The following RAPGEF6 variants were observed in gnomAD, a reference collection of about 807,000 sequenced individuals.
RAPGEF6 encodes the protein Rap guanine nucleotide exchange factor 6, also known as PDZ domain containing guanine nucleotide exchange factor (GEF) 2.
RAPGEF6 carries 56 observed loss-of-function variants against 171.4 expected under a neutral mutation model. That is an observed-to-expected ratio of 0.33 (90% CI 0.26 to 0.41). The LOEUF is 0.41. RAPGEF6 is among the 10% of genes least tolerant of loss of function. The pLI, the probability that RAPGEF6 is intolerant of heterozygous loss-of-function variation, is 1.00. For synonymous variants in RAPGEF6, 692 were observed against 650.1 expected, an observed-to-expected ratio of 1.06 and a Z score of -0.98; for missense variants, 1,674 against 1,921.4, an observed-to-expected ratio of 0.87 and a Z score of 2.41.
intron 5 of RAPGEF6, 97 bp from the exon 6 acceptor site, chr5:131,548,287 A>G (rs1180956489): frequency 8.0e-7 from 1 of 1,246,510 alleles, no homozygotes; most frequent in Non-Finnish European, 1.1e-6. Flanking sequence ...AGCTTCATTT[A>G]CTTCTTACAA....
chr5:131,445,001 A>T (rs1752596848), intron 22 of RAPGEF6, among the ~76,000 whole-genome samples: 1 of 152,208 alleles, frequency 6.6e-6, no homozygotes, highest in African/African-American at 2.4e-5. Context: ...GTTAGCTTTT[A>T]AAAATGTCTT....
intron 4 of RAPGEF6, among the ~76,000 whole-genome samples, chr5:131,575,492 C>G (rs942945005): frequency 6.6e-6 from 1 of 152,196 alleles, no homozygotes; most frequent in East Asian, 1.9e-4. Flanking sequence ...CAAGTGCTCT[C>G]CCTGCTGTGT....
intron 1 of RAPGEF6, among the ~76,000 whole-genome samples, chr5:131,616,948 T>C (rs994605004): frequency 6.6e-6 from 1 of 152,192 alleles, no homozygotes; most frequent in African/African-American, 2.4e-5. Context: ...AAAACTTTCA[T>C]TAACCAAGAT....
intron 6 of RAPGEF6, among the ~76,000 whole-genome samples, chr5:131,535,548 G>A (rs1323516960): frequency 2.6e-5 from 4 of 152,070 alleles, no homozygotes; most frequent in African/African-American, 9.7e-5. Flanking sequence ...TTATGAACAC[G>A]TTTCCCCTGC....
At chr5:131,510,072 A>T (rs1266564776) in intron 8 of RAPGEF6, among the ~76,000 whole-genome samples, 2 of 152,176 alleles carry the variant, frequency 1.3e-5, no homozygotes, top group Non-Finnish European at 2.9e-5. Context: ...CAGATTCTAC[A>T]GCTCAGCCCA....
intron 8 of RAPGEF6, 103 bp from the exon 9 acceptor site, chr5:131,508,310 A>C (rs1202364394): frequency 1.7e-6 from 2 of 1,193,086 alleles, no homozygotes; most frequent in Admixed American, 2.7e-5. Flanking sequence ...TCAACTTATA[A>C]ATTTATGTTG....
Position 131,431,460 on chromosome 5 carries a change from C to T in RAPGEF6, c.3975-111G>A. The T allele has an allele frequency of 6.8e-6, 8 of 1,173,236 alleles. No individual in the cohort carries two copies. In the South Asian group the frequency reaches 9.3e-5, roughly 14 times the overall value. The allele number at this position is 1,173,236 out of a possible 1,614,324, so 72.7% of individuals were successfully genotyped here. A position where few individuals can be genotyped will look rare whatever the true frequency, so the allele number is the denominator to read the frequency against. On this transcript the variant is annotated intron_variant, in intron 25 of 27. Transcript: ENST00000509018. ...CTACAGAGCACGTACCACAAGTGTT[C>T]ATGCCAAATAACATCGTGAGGAAAA... is the stretch of plus-strand genomic sequence containing the variant.
rs1004039968 is a variant in RAPGEF6 at position 131,572,992 on chromosome 5, G to A, written c.282-10945C>T. ...TACATCCATGCATTTTTTACACTTCGCTCCCTCCCTAGTCTCTGCTCCCAG... is the reference window on the plus strand; with the variant it reads ...TACATCCATGCATTTTTTACACTTCACTCCCTCCCTAGTCTCTGCTCCCAG... On this transcript the variant is annotated intron_variant, in intron 4 of 27. Transcript: ENST00000509018. Among the ~76,000 whole-genome samples, 9 of 151,796 alleles carry A rather than the reference G, an allele frequency of 5.9e-5. No homozygotes were observed. The East Asian group carries it at 9.7e-4, about 16-fold the overall frequency.
At chr5:131,573,980 A>G (rs1762455000) in intron 4 of RAPGEF6, among the ~76,000 whole-genome samples, 1 of 152,196 alleles carries the variant, frequency 6.6e-6, no homozygotes, top group Non-Finnish European at 1.5e-5. Context: ...GTTCAATAAC[A>G]GAGAAGAAGC....
In RAPGEF6 at chr5:131,479,709, C is replaced by T; in HGVS notation, c.1885G>A (p.Val629Ile). 1 of 1,613,756 alleles carries T rather than the reference C, an allele frequency of 6.2e-7. No individual in the cohort carries two copies. Among genetic ancestry groups the T allele is most frequent in the Non-Finnish European group, 8.5e-7 (1 of 1,179,838 alleles). The change falls in exon 16 of 28, where the codon GTT (valine) becomes ATT (isoleucine). Residue 629 changes from valine to isoleucine, a missense_variant. By Grantham distance (29) the Val-to-Ile change is conservative. Around this residue, in one of 3 missense-constraint regions of RAPGEF6, gnomAD observed 1,116 missense variants for 1,321.5 expected, o/e 0.84. Transcript: ENST00000509018. ...LFRTEQEKSG[V>I]PHIPKIAEKK... ...TCAGCAATTTTGGGAATATGAGGAACACCAGATTTCTCTTGTTCAGTCCTA... is the reference window on the plus strand; with the variant it reads ...TCAGCAATTTTGGGAATATGAGGAATACCAGATTTCTCTTGTTCAGTCCTA...
chr5:131,599,892 T>C (rs1764125845), intron 3 of RAPGEF6, among the ~76,000 whole-genome samples: 1 of 152,246 alleles, frequency 6.6e-6, no homozygotes, highest in Non-Finnish European at 1.5e-5. Flanking sequence ...ATTTATTCAA[T>C]GTGCAAGATA....
chr5:131,624,533 C>T (rs752695738), intron 1 of RAPGEF6, among the ~76,000 whole-genome samples: 3 of 152,190 alleles, frequency 2.0e-5, no homozygotes, highest in Non-Finnish European at 4.4e-5. Flanking sequence ...GTGGTATACA[C>T]CTGTACTCCC....
At chr5:131,593,403 A>G (rs781072313) in intron 3 of RAPGEF6, among the ~76,000 whole-genome samples, 8 of 152,236 alleles carry the variant, frequency 5.3e-5, no homozygotes, top group Non-Finnish European at 1.2e-4. Context: ...TATATGTGCA[A>G]TAATAGAAAT....
At position 131,504,659 on chromosome 5, in the gene RAPGEF6, C is replaced by A. The variant is rs752754603; in HGVS notation, c.1221G>T (p.Arg407=). The A allele has an allele frequency of 6.2e-7, 1 of 1,612,286 alleles. No individual in the cohort carries two copies. Among genetic ancestry groups the A allele is most frequent in the South Asian group, 1.1e-5 (1 of 90,686 alleles). ...VMVHEHRELD[R]SGTRKGHIVI... ...CAATGTGTCCTTTCCTGGTTCCACT[C>A]CGGTCTAGTTCCCGATGCTCATGTA... Residue 407 remains arginine (R), a synonymous_variant, in exon 11 of 28, where the codon CGG becomes CGT. Transcript: ENST00000509018.
chr5:131,597,099 G>A (rs1010099814), intron 3 of RAPGEF6, among the ~76,000 whole-genome samples: 8 of 151,980 alleles, frequency 5.3e-5, no homozygotes, highest in Non-Finnish European at 1.2e-4. Context: ...CATAAAAATA[G>A]CCAATAGGTA....
At chr5:131,435,178 T>C (rs756094465) in intron 24 of RAPGEF6, among the ~76,000 whole-genome samples, 2 of 152,182 alleles carry the variant, frequency 1.3e-5, no homozygotes, top group Non-Finnish European at 2.9e-5. Flanking sequence ...CGTTAACTAT[T>C]TCAAAGAGAA....
chr5:131,501,336 C>CA (rs1439021234), intron 11 of RAPGEF6, among the ~76,000 whole-genome samples: 6,157 of 83,616 alleles, frequency 0.074, 264 homozygotes, highest in African/African-American at 0.17. Context: ...ACTTTGTCTC[C>CA]AAAAAAAAAA....
intron 7 of RAPGEF6, among the ~76,000 whole-genome samples, chr5:131,516,951 T>C (rs1350737480): frequency 6.6e-6 from 1 of 152,186 alleles, no homozygotes; most frequent in Non-Finnish European, 1.5e-5. Context: ...AGGAAATGCA[T>C]AGAAGTGTAG....
At chr5:131,488,104 T>C (rs1756043562) in intron 15 of RAPGEF6, among the ~76,000 whole-genome samples, 1 of 152,098 alleles carries the variant, frequency 6.6e-6, no homozygotes, top group Non-Finnish European at 1.5e-5. Context: ...TGTTCCCCCT[T>C]TGCAGCTCCA....
Sources: allele counts gnomAD v4.1 joint callset (sites outside exome capture counted in the v4.1 genomes callset), GRCh38; gene constraint gnomAD v4.1.1; regional missense constraint gnomAD v4.1.1; transcripts MANE v1.5; gene names NCBI Gene and HGNC (gene_info 2026-07-23, HGNC 2026-07-21).